MPDZ: variants seen among roughly 807,000 people sequenced by gnomAD.
MPDZ encodes multiple PDZ domain crumbs cell polarity complex component.
MPDZ carries 234 observed loss-of-function variants against 239.1 expected under a neutral mutation model. The ratio of observed to expected loss-of-function variants is 0.98; its 90% confidence interval spans 0.88 to 1.09. The LOEUF is 1.09. Among genes scored for constraint, MPDZ ranks in the 50% least tolerant of loss-of-function variants. The pLI is 0.00. For missense variants in MPDZ, 3,175 were observed against 2,510.0 expected (o/e 1.26, Z -5.66); for synonymous variants, 1,048 against 881.3 (o/e 1.19, Z -3.35).
At position 13,269,886 on chromosome 9, in the gene MPDZ, A is replaced by G. The variant is rs73647121; in HGVS notation, c.-58+9514T>C. Reference sequence around the variant, plus strand: ...ATTGCATGAAGAAATCCAAATTACTATGAACCTATCTGAACACGTACCTTA... The same window carrying G: ...ATTGCATGAAGAAATCCAAATTACTGTGAACCTATCTGAACACGTACCTTA... On this transcript the variant is annotated intron_variant, in intron 1 of 46. Transcript: ENST00000319217. Among the ~76,000 whole-genome samples, 433 of 152,310 alleles carry G rather than the reference A, an allele frequency of 2.8e-3. 5 individuals are homozygous for G. The highest frequency in any genetic ancestry group is 8.5e-3 in the African/African-American group (354 of 41,572).
intron 21 of MPDZ, among the ~76,000 whole-genome samples, chr9:13,169,964 C>T (rs1951577029): frequency 6.6e-6 from 1 of 152,162 alleles, no homozygotes; most frequent in Non-Finnish European, 1.5e-5. Flanking sequence ...CAGACTCTAT[C>T]TGAATTAATG....
intron 10 of MPDZ, among the ~76,000 whole-genome samples, chr9:13,214,522 C>T (rs1043219610): frequency 1.8e-4 from 28 of 151,952 alleles, no homozygotes; most frequent in African/African-American, 6.8e-4. Flanking sequence ...TCTGTGAATA[C>T]ACTAAAAGCT....
chr9:13,230,942 A>C (rs924913511), intron 3 of MPDZ, among the ~76,000 whole-genome samples: 12 of 152,284 alleles, frequency 7.9e-5, no homozygotes, highest in African/African-American at 2.6e-4. Context: ...TGAGCTAAGC[A>C]TCCGAATCAA....
chr9:13,154,373 A>G (rs1209965936), intron 24 of MPDZ, among the ~76,000 whole-genome samples: 1 of 152,128 alleles, frequency 6.6e-6, no homozygotes, highest in Non-Finnish European at 1.5e-5. Flanking sequence ...ACATAGGTTT[A>G]AAAAGAATGA....
At chr9:13,168,915 A>G (rs1478613137) in intron 21 of MPDZ, among the ~76,000 whole-genome samples, 1 of 152,206 alleles carries the variant, frequency 6.6e-6, no homozygotes, top group African/African-American at 2.4e-5. Context: ...TTCAGCTTTT[A>G]CACATAAAAG....
intron 3 of MPDZ, among the ~76,000 whole-genome samples, chr9:13,238,335 C>G (rs940559248): frequency 6.6e-6 from 1 of 152,186 alleles, no homozygotes; most frequent in African/African-American, 2.4e-5. Context: ...AATAAGATTA[C>G]AGTGGGGTGA....
intron 27 of MPDZ, 138 bp downstream of exon 27, chr9:13,143,328 C>A: frequency 6.3e-6 from 4 of 639,754 alleles, no homozygotes; most frequent in Non-Finnish European, 1.1e-5. Context: ...CATGCCCACT[C>A]CAAACAGCTT....
intron 26 of MPDZ, 97 bp from the exon 27 acceptor site, chr9:13,143,661 G>A: frequency 1.1e-6 from 1 of 898,988 alleles, no homozygotes. Flanking sequence ...AGAACTGCCT[G>A]TGTGAAACTA....
chr9:13,255,289 C>T (rs1969163672), intron 1 of MPDZ, among the ~76,000 whole-genome samples: 1 of 152,176 alleles, frequency 6.6e-6, no homozygotes, highest in Admixed American at 6.5e-5. Context: ...GTGACTTCTT[C>T]CACTGAAGTC....
At position 13,136,733 on chromosome 9, in the gene MPDZ, T is replaced by A; in HGVS notation, c.4271A>T (p.Lys1424Ile). ...TCACCTGATAAAAATTATTTTCACT[T>A]TAGAAGGGGCACATTTAATGATTGA... ...ASSIIKCAPSKVKIIFIRNKD... is the reference protein window; with the variant it reads ...ASSIIKCAPSIVKIIFIRNKD... Residue 1424 changes from lysine to isoleucine, a missense_variant, in exon 30 of 47, where the codon AAA becomes ATA. Physicochemically the swap from Lys to Ile is moderately radical, Grantham distance 102 (BLOSUM62 -3). Coordinates refer to ENST00000319217, the MANE Select transcript of MPDZ (RefSeq NM_001378778.1). 1 of 1,596,402 alleles carries A rather than the reference T, an allele frequency of 6.3e-7. No homozygotes were observed. Among genetic ancestry groups the A allele is most frequent in the East Asian group, 2.2e-5 (1 of 44,478 alleles).
chr9:13,137,053 C>A (rs1194995088), intron 29 of MPDZ, among the ~76,000 whole-genome samples: 1 of 152,014 alleles, frequency 6.6e-6, no homozygotes, highest in Non-Finnish European at 1.5e-5. Flanking sequence ...AAAGAGGCAC[C>A]ACTTGGACCA....
rs556648039 is a variant in MPDZ, at chr9:13,166,463, T to C, written c.3254+1903A>G. Among the ~76,000 whole-genome samples the C allele has an allele frequency of 2.0e-5, 3 of 152,262 alleles. No individual in the cohort carries two copies. The South Asian group carries it at 6.2e-4, about 32-fold the overall frequency. On this transcript the variant is annotated intron_variant, in intron 22 of 46. Transcript: ENST00000319217. The stretch of plus-strand genomic sequence containing the variant: ...TTATTTTTATCATTACTCAATGAGT[T>C]AAGCTATAAGCATTTGAATCAGAGT...
chr9:13,174,260 C>T (rs1952167627), intron 21 of MPDZ, among the ~76,000 whole-genome samples: 2 of 151,974 alleles, frequency 1.3e-5, no homozygotes, highest in African/African-American at 2.4e-5. Flanking sequence ...TATTTTAATG[C>T]CTTTAGGATT....
At chr9:13,126,429 C>T (rs1945124743) in intron 34 of MPDZ, 87 bp downstream of exon 34, 2 of 861,116 alleles carry the variant, frequency 2.3e-6, no homozygotes, top group African/African-American at 3.4e-5. Context: ...CTACATAACC[C>T]TAATTCTCTA....
chr9:13,206,099 C>CCTG lies in MPDZ; in HGVS notation c.1291-3_1291-1dup (p.Ala430_Val431insGln). ...AAACCCTGAAGGTTTGTGCCATCTA[C>CCTG]CTGTGATTAAAAAAAAAAAAAAGCA... is the stretch of plus-strand genomic sequence containing the variant. On this transcript the variant is annotated inframe_insertion and splice_region_variant. Coordinates refer to ENST00000319217, the MANE Select transcript of MPDZ (RefSeq NM_001378778.1). 6.4e-7 allele frequency: 1 copy of CCTG among 1,562,624 alleles called. No individual in the cohort carries two copies. The highest frequency in any genetic ancestry group is 8.6e-7 in the Non-Finnish European group (1 of 1,162,328).
At chr9:13,268,596 T>G (rs1972306192) in intron 1 of MPDZ, among the ~76,000 whole-genome samples, 2 of 152,130 alleles carry the variant, frequency 1.3e-5, no homozygotes, top group South Asian at 4.1e-4. Flanking sequence ...AATTCAATAC[T>G]GCCAACGTGA....
chr9:13,231,749 T>A (rs972136445), intron 3 of MPDZ, among the ~76,000 whole-genome samples: 5 of 152,030 alleles, frequency 3.3e-5, no homozygotes, highest in Non-Finnish European at 7.4e-5. Flanking sequence ...TACTTTTTGT[T>A]TGAGGCCAAC....
At chr9:13,150,775 T>C in intron 24 of MPDZ, 87 bp from the exon 25 acceptor site, 5 of 863,960 alleles carry the variant, frequency 5.8e-6, no homozygotes, top group East Asian at 3.3e-5. Context: ...ATTTCTTATA[T>C]ATAACACCAA....
rs1956512860 is a variant in MPDZ, at chr9:13,202,562, C to T, written c.1546+2474G>A. 2.6e-5 allele frequency among the ~76,000 whole-genome samples: 4 copies of T among 152,174 alleles called. No homozygotes were observed. The South Asian group carries it at 8.3e-4, about 31-fold the overall frequency. On this transcript the variant is annotated intron_variant, in intron 12 of 46. Coordinates refer to ENST00000319217, the MANE Select transcript of MPDZ (RefSeq NM_001378778.1). ...ATGCCAGTCACTGTGATCAGTGCCT[C>T]TGTCTTTGCTCCCAATTCACCCCAA... is the stretch of plus-strand genomic sequence containing the variant.
Sources: allele counts gnomAD v4.1 joint callset (sites outside exome capture counted in the v4.1 genomes callset), GRCh38; gene constraint gnomAD v4.1.1; transcripts MANE v1.5; gene names NCBI Gene and HGNC (gene_info 2026-07-23, HGNC 2026-07-21).